The following SLC25A48 variants were observed in gnomAD, a reference collection of about 807,000 sequenced individuals.
SLC25A48 encodes solute carrier family 25 member 48, also known as CTC-321K16.1.
SLC25A48 carries 29 observed loss-of-function variants against 32.2 expected under a neutral mutation model. The ratio of observed to expected loss-of-function variants is 0.90; its 90% confidence interval spans 0.67 to 1.23. The LOEUF (loss-of-function observed/expected upper bound fraction) is 1.23, where lower values mean the gene tolerates loss of function less well. Among genes scored for constraint, SLC25A48 ranks in the 50% most tolerant of loss-of-function variants. SLC25A48 has a pLI of 0.00. For missense variants in SLC25A48, 399 were observed against 422.7 expected, an observed-to-expected ratio of 0.94 and a Z score of 0.49; for synonymous variants, 164 against 172.3, an observed-to-expected ratio of 0.95 and a Z score of 0.38.
intron 1 of SLC25A48, among the ~76,000 whole-genome samples, chr5:135,839,018 C>T (rs1401077581): frequency 6.6e-6 from 1 of 152,232 alleles, no homozygotes; most frequent in Non-Finnish European, 1.5e-5. Context: ...TTGCACCATG[C>T]ACCTGGAAAA....
intron 3 of SLC25A48, among the ~76,000 whole-genome samples, chr5:135,709,964 A>G (rs1233212699): frequency 6.6e-6 from 1 of 152,210 alleles, no homozygotes; most frequent in Non-Finnish European, 1.5e-5. Flanking sequence ...GACATTTACC[A>G]ATTCCTGTGG....
chr5:135,581,844 G>A (rs1288243430), intron 1 of SLC25A48, among the ~76,000 whole-genome samples: 1 of 152,228 alleles, frequency 6.6e-6, no homozygotes, highest in Non-Finnish European at 1.5e-5. Context: ...GCTGCCAGCA[G>A]GTCTGTGGGG....
At chr5:135,662,907 C>T (rs1226882932) in intron 3 of SLC25A48, among the ~76,000 whole-genome samples, 26 of 152,160 alleles carry the variant, frequency 1.7e-4, no homozygotes, top group Non-Finnish European at 5.9e-5. Flanking sequence ...CTGCACCAGG[C>T]AGGAGCTCTC....
intron 1 of SLC25A48, among the ~76,000 whole-genome samples, chr5:135,627,600 T>C (rs963854281): frequency 6.6e-6 from 1 of 152,204 alleles, no homozygotes; most frequent in African/African-American, 2.4e-5. Flanking sequence ...GTTTTTTGAC[T>C]GGACCCTGAC....
At chr5:135,752,942 C>A (rs1319177391) in intron 3 of SLC25A48, among the ~76,000 whole-genome samples, 1 of 151,944 alleles carries the variant, frequency 6.6e-6, no homozygotes, top group African/African-American at 2.4e-5. Context: ...GGAGTAATTT[C>A]TCGAGGATAT....
chr5:135,883,412 G>A (rs959693195), intron 7 of SLC25A48: 11 of 985,470 alleles, frequency 1.1e-5, no homozygotes, highest in Non-Finnish European at 1.3e-5. Flanking sequence ...AAGAGCTGGA[G>A]TTGGCTCTAA....
chr5:135,784,100 T>G (rs1172486802), intron 3 of SLC25A48, among the ~76,000 whole-genome samples: 1 of 117,734 alleles, frequency 8.5e-6, no homozygotes, highest in African/African-American at 2.6e-5. Context: ...TGTGATGTTG[T>G]TCCTAATATC....
At chr5:135,611,522 A>AAAAAAAAAAAAAG (rs1752067000) in intron 1 of SLC25A48, among the ~76,000 whole-genome samples, 1 of 143,844 alleles carries the variant, frequency 7.0e-6, no homozygotes, top group East Asian at 2.0e-4. Flanking sequence ...AAAAAAAAAA[A>AAAAAAAAAAAAAG]AAAAAGAAAA....
rs202077530 is a variant in SLC25A48 at position 135,809,661 on chromosome 5, T to G, written c.-520-2862T>G. 1.4e-4 allele frequency among the ~76,000 whole-genome samples: 21 copies of G among 152,328 alleles called. No individual in the cohort carries two copies. The East Asian group carries it at 3.7e-3, about 27-fold the overall frequency. On this transcript the variant is annotated intron_variant, in intron 3 of 10. Transcript: ENST00000646290. ...CAACTCTCCCCCAACCTCTGGCCCCTGGCAACCACTGATCTGTCCTCTGTC... is the reference window on the plus strand; with the variant it reads ...CAACTCTCCCCCAACCTCTGGCCCCGGGCAACCACTGATCTGTCCTCTGTC...
intron 1 of SLC25A48, among the ~76,000 whole-genome samples, chr5:135,608,199 G>A (rs932616014): frequency 6.6e-6 from 1 of 152,102 alleles, no homozygotes; most frequent in African/African-American, 2.4e-5. Context: ...CCAAACTCCT[G>A]GCAAAAGTAT....
Position 135,871,657 on chromosome 5 carries a change from C to A in SLC25A48, c.618C>A (p.Ile206=). 1.9e-6 allele frequency: 3 copies of A among 1,614,174 alleles called. No individual in the cohort carries two copies. Among genetic ancestry groups the A allele is most frequent in the Middle Eastern group, 3.3e-4 (2 of 6,062 alleles). The part of the protein sequence containing the change: ...FIPYVFLSEW[I]TPEACTGPSP... ...CCTACGTGTTCCTGAGTGAGTGGATCACACCTGAGGCCTGCACAGGCCCCA... is the reference window on the plus strand; with the variant it reads ...CCTACGTGTTCCTGAGTGAGTGGATAACACCTGAGGCCTGCACAGGCCCCA... The change falls in exon 5 of 8, where the codon ATC becomes ATA. Residue 206 remains isoleucine (I), a synonymous_variant. Coordinates refer to ENST00000681962, the MANE Select transcript of SLC25A48 (RefSeq NM_001349336.2).
intron 4 of SLC25A48, among the ~76,000 whole-genome samples, chr5:135,871,054 TACACAGACACAC>T (rs1252123588): frequency 7.9e-6 from 1 of 127,132 alleles, no homozygotes; most frequent in African/African-American, 3.1e-5. Context: ...AATAAATGTG[TACACAGACACAC>T]ACACACACAC....
At chr5:135,807,255 A>G (rs1345324715) in intron 3 of SLC25A48, among the ~76,000 whole-genome samples, 1 of 150,624 alleles carries the variant, frequency 6.6e-6, no homozygotes, top group Admixed American at 6.6e-5. Context: ...ATGTCATAGT[A>G]TGTTAACACT....
At chr5:135,596,635 G>A (rs575806471) in intron 1 of SLC25A48, among the ~76,000 whole-genome samples, 3 of 152,184 alleles carry the variant, frequency 2.0e-5, no homozygotes, top group African/African-American at 7.2e-5. Context: ...GCTGAGGAGC[G>A]AGTGGTTGTC....
chr5:135,878,222 G>A (rs888122819), intron 6 of SLC25A48, among the ~76,000 whole-genome samples: 1 of 152,182 alleles, frequency 6.6e-6, no homozygotes, highest in African/African-American at 2.4e-5. Context: ...GTGGCCCACA[G>A]CTCCTGCAGG....
At chr5:135,630,159 C>G (rs1752523332) in intron 2 of SLC25A48, among the ~76,000 whole-genome samples, 1 of 152,146 alleles carries the variant, frequency 6.6e-6, no homozygotes, top group Admixed American at 6.5e-5. Context: ...GGAGGCAGGC[C>G]ATAGTCACCT....
chr5:135,650,256 C>T (rs546366658), intron 3 of SLC25A48: 38 of 368,652 alleles, frequency 1.0e-4, no homozygotes, highest in African/African-American at 8.2e-4. Context: ...CTAAGCCACA[C>T]ACTGTAGACA....
chr5:135,744,600 G>T (rs1211052264), intron 3 of SLC25A48, among the ~76,000 whole-genome samples: 1 of 151,836 alleles, frequency 6.6e-6, no homozygotes, highest in African/African-American at 2.4e-5. Flanking sequence ...GCCTCCTAAA[G>T]TGCTGGGATT....
intron 1 of SLC25A48, among the ~76,000 whole-genome samples, chr5:135,621,782 AG>A (rs1752331247): frequency 6.6e-6 from 1 of 152,186 alleles, no homozygotes; most frequent in Admixed American, 6.5e-5. Context: ...ATTAAAATTT[AG>A]GTTCCCAAGC....
Sources: allele counts gnomAD v4.1 joint callset (sites outside exome capture counted in the v4.1 genomes callset), GRCh38; gene constraint gnomAD v4.1.1; transcripts MANE v1.5; gene names NCBI Gene and HGNC (gene_info 2026-07-23, HGNC 2026-07-21).